DNAJC1: variants seen among roughly 807,000 people sequenced by gnomAD.
DNAJC1 encodes dnaJ homolog subfamily C member 1.
In DNAJC1, 58 loss-of-function variants were observed where a neutral mutation model predicts 76.6. The observed-to-expected ratio is 0.76, with a 90% CI of 0.61 to 0.94. The LOEUF is 0.94. DNAJC1 is among the 40% of genes least tolerant of loss of function. DNAJC1 has a pLI of 0.00. For missense variants in DNAJC1, 689 were observed against 677.3 expected (o/e 1.02, Z -0.19); for synonymous variants, 258 against 267.9 (o/e 0.96, Z 0.36).
intron 10 of DNAJC1, among the ~76,000 whole-genome samples, chr10:21,764,696 G>A (rs561386239): frequency 6.6e-6 from 1 of 152,240 alleles, no homozygotes; most frequent in East Asian, 1.9e-4. Flanking sequence ...ATAATCAGAA[G>A]AAATACTTTT....
chr10:21,767,443 T>C (rs1564781599), intron 9 of DNAJC1, among the ~76,000 whole-genome samples: 1 of 152,224 alleles, frequency 6.6e-6, no homozygotes, highest in Non-Finnish European at 1.5e-5. Flanking sequence ...TTATTTTGTT[T>C]GTTTGTTTGT....
At chr10:21,844,630 A>C (rs978772660) in intron 8 of DNAJC1, among the ~76,000 whole-genome samples, 1 of 152,126 alleles carries the variant, frequency 6.6e-6, no homozygotes, top group Admixed American at 6.6e-5. Flanking sequence ...TTTTCAACTC[A>C]GTTTGTTTAG....
intron 9 of DNAJC1, among the ~76,000 whole-genome samples, chr10:21,781,565 C>T (rs1290558067): frequency 6.6e-6 from 1 of 151,884 alleles, no homozygotes; most frequent in Non-Finnish European, 1.5e-5. Context: ...ACTAAAAATA[C>T]AAAACATTAG....
intron 1 of DNAJC1, among the ~76,000 whole-genome samples, chr10:21,940,022 C>CT (rs1182158974): frequency 6.7e-6 from 1 of 148,602 alleles, no homozygotes; most frequent in Non-Finnish European, 1.5e-5. Context: ...ACTAGAAGGA[C>CT]TAAATAATAG....
intron 7 of DNAJC1, among the ~76,000 whole-genome samples, chr10:21,888,213 A>G (rs189764660): frequency 1.1e-4 from 16 of 152,340 alleles, no homozygotes; most frequent in Admixed American, 9.8e-4. Context: ...CAGAATGACT[A>G]TTACTAAAAG....
chr10:21,908,251 GA>G (rs1369164737), intron 6 of DNAJC1, among the ~76,000 whole-genome samples: 3 of 32,360 alleles, frequency 9.3e-5, no homozygotes, highest in Admixed American at 7.6e-4. Context: ...ATAATATAGA[GA>G]AAATATATAT....
rs904263668 is a variant in DNAJC1, at chr10:21,859,604, G to T, written c.978+22678C>A. ...ACATAGGGGTTACATAGACATAGGG[G>T]TTACATAGACATAGGGGTTACATAG... On this transcript the variant is annotated intron_variant, in intron 8 of 11. Transcript: ENST00000376980. Among the ~76,000 whole-genome samples the T allele has an allele frequency of 4.6e-5, 7 of 152,030 alleles. No individual in the cohort carries two copies. The South Asian group carries it at 6.2e-4, about 14-fold the overall frequency.
intron 8 of DNAJC1, among the ~76,000 whole-genome samples, chr10:21,818,496 T>C (rs1835108240): frequency 6.6e-6 from 1 of 152,236 alleles, no homozygotes; most frequent in Admixed American, 6.5e-5. Context: ...GTGAAGCACA[T>C]GACCTCTGTG....
intron 8 of DNAJC1, among the ~76,000 whole-genome samples, chr10:21,821,984 ATTT>A (rs1052654445): frequency 3.3e-5 from 5 of 152,176 alleles, no homozygotes; most frequent in African/African-American, 1.2e-4. Context: ...CGCATCCAGT[ATTT>A]ATCAAAGGTC....
chr10:21,950,592 G>C (rs966744028), intron 1 of DNAJC1, among the ~76,000 whole-genome samples: 1 of 152,258 alleles, frequency 6.6e-6, no homozygotes, highest in East Asian at 1.9e-4. Context: ...AAATGATTAA[G>C]TTTAGTGAGG....
At chr10:21,956,396 A>G (rs528878238) in intron 1 of DNAJC1, among the ~76,000 whole-genome samples, 3 of 152,204 alleles carry the variant, frequency 2.0e-5, no homozygotes, top group East Asian at 3.9e-4. Context: ...TCATACTATC[A>G]TGACAAAAAT....
At chr10:21,934,904 C>T (rs1210156558) in intron 1 of DNAJC1, among the ~76,000 whole-genome samples, 3 of 152,106 alleles carry the variant, frequency 2.0e-5, no homozygotes, top group East Asian at 1.9e-4. Context: ...TCTAAGCTAA[C>T]TGAAGAGAAA....
chr10:21,904,509 G>T lies in DNAJC1; in HGVS notation c.820+13C>A. On this transcript the variant is annotated intron_variant, in intron 7 of 11. Transcript: ENST00000376980. ...TATATGACATTGTTAAAACACTAAT[G>T]TTTAAAACTCACTTTGAAGTGTTTC... 6.7e-7 allele frequency: 1 copy of T among 1,501,416 alleles called. No individual in the cohort carries two copies. The highest frequency in any genetic ancestry group is 9.0e-7 in the Non-Finnish European group (1 of 1,108,264). 93.0% of individuals were successfully genotyped at this position (1,501,416 alleles called of 1,614,324 possible). A position where few individuals can be genotyped will look rare whatever the true frequency, so the allele number is the denominator to read the frequency against.
chr10:21,971,439 T>C lies in DNAJC1; in HGVS notation c.222+31774A>G. 1.3e-5 allele frequency among the ~76,000 whole-genome samples: 2 copies of C among 151,812 alleles called. 1 individual carries two copies. Among genetic ancestry groups the C allele is most frequent in the East Asian group, 3.8e-4 (2 of 5,202 alleles). On this transcript the variant is annotated intron_variant, in intron 1 of 11. Coordinates refer to ENST00000376980, the MANE Select transcript of DNAJC1 (RefSeq NM_022365.4). Reference sequence around the variant, plus strand: ...TTGTTATGTATTTATAATGACCAACTTAAGAGAAGTTTTAAGTCCTATGAG... The same window carrying C: ...TTGTTATGTATTTATAATGACCAACCTAAGAGAAGTTTTAAGTCCTATGAG...
At chr10:21,860,337 A>G (rs1294900924) in intron 8 of DNAJC1, among the ~76,000 whole-genome samples, 3 of 152,150 alleles carry the variant, frequency 2.0e-5, no homozygotes, top group Admixed American at 6.5e-5. Context: ...ATACTTTTAT[A>G]AGATACTAAA....
At chr10:21,988,053 T>C (rs962726167) in intron 1 of DNAJC1, among the ~76,000 whole-genome samples, 2 of 152,158 alleles carry the variant, frequency 1.3e-5, no homozygotes, top group Non-Finnish European at 2.9e-5. Context: ...GTGTCATAAT[T>C]TACTCAAATA....
intron 8 of DNAJC1, among the ~76,000 whole-genome samples, chr10:21,853,671 G>A (rs1353420475): frequency 6.6e-6 from 1 of 150,426 alleles, no homozygotes; most frequent in African/African-American, 2.5e-5. Context: ...GTGCACACCT[G>A]TAATCCTAGC....
Position 22,003,674 on chromosome 10 carries a change from C to T in DNAJC1, c.-240G>A. 1 of 410,266 alleles carries T rather than the reference C, an allele frequency of 2.4e-6. No homozygotes were observed. The allele number at this position is 410,266 out of a possible 1,614,324, so 25.4% of individuals were successfully genotyped here. ...GCCAGCGCTACGTTCCGAAGACCCT[C>T]GCCCCCAGGCCTACACACAGCTGTA... On this transcript the variant is annotated 5_prime_UTR_variant, in exon 1 of 12. Coordinates refer to ENST00000376980, the MANE Select transcript of DNAJC1 (RefSeq NM_022365.4).
intron 1 of DNAJC1, among the ~76,000 whole-genome samples, chr10:21,977,612 G>A: frequency 6.6e-6 from 1 of 151,970 alleles, no homozygotes; most frequent in East Asian, 1.9e-4. Flanking sequence ...CCAGTGCAGG[G>A]GACCAAAATA....
Sources: gnomAD v4.1 joint callset for allele counts (sites outside exome capture counted in the v4.1 genomes callset) on GRCh38, gnomAD v4.1.1 for gene constraint, MANE v1.5 for transcripts, NCBI Gene and HGNC (gene_info 2026-07-23, HGNC 2026-07-21) for gene names.